NRG1: variants seen among roughly 807,000 people sequenced by gnomAD.
NRG1 encodes neuregulin 1.
NRG1 carries 18 observed loss-of-function variants against 63.8 expected under a neutral mutation model. The ratio of observed to expected loss-of-function variants is 0.28; its 90% CI spans 0.19 to 0.42. The LOEUF (loss-of-function observed/expected upper bound fraction) is 0.42, where lower values mean the gene tolerates loss of function less well. Among genes scored for constraint, NRG1 ranks in the 10% least tolerant of loss-of-function variants. NRG1 has a pLI of 1.00. For missense variants in NRG1, 762 were observed against 814.7 expected, an observed-to-expected ratio of 0.94 and a Z score of 0.79; for synonymous variants, 302 against 301.3, an observed-to-expected ratio of 1.00 and a Z score of -0.02.
At chr8:32,670,400 G>A (rs1805327796) in intron 5 of NRG1, among the ~76,000 whole-genome samples, 1 of 152,026 alleles carries the variant, frequency 6.6e-6, no homozygotes, top group Non-Finnish European at 1.5e-5. Context: ...CTTCTTCATT[G>A]AGTTTTCCAG....
chr8:32,290,747 C>T lies in NRG1; in HGVS notation c.38-305081C>T, dbSNP rs534115703. The stretch of plus-strand genomic sequence containing the variant: ...AATGGATTAGATTTTATTATATTTG[C>T]TGCAAACTCTTTTTATAATGTTCTT... On this transcript the variant is annotated intron_variant, in intron 1 of 10. Coordinates refer to the NRG1 transcript ENST00000519301. Among the ~76,000 whole-genome samples the T allele has an allele frequency of 3.6e-4, 55 of 152,178 alleles. 1 individual carries two copies. The highest frequency in any genetic ancestry group is 7.2e-4 in the Non-Finnish European group (49 of 68,028).
chr8:32,768,645 AC>A (rs1168761309), downstream of NRG1, among the ~76,000 whole-genome samples: 1 of 152,222 alleles, frequency 6.6e-6, no homozygotes, highest in Non-Finnish European at 1.5e-5. Flanking sequence ...TGAGGGTATT[AC>A]TTTTCTTACT....
intron 1 of NRG1, among the ~76,000 whole-genome samples, chr8:31,660,301 G>C (rs903688190): frequency 1.3e-5 from 2 of 152,076 alleles, no homozygotes; most frequent in African/African-American, 4.8e-5. Flanking sequence ...ACATATTGAT[G>C]CTTGACCAGG....
In NRG1 at chr8:32,519,837, C is replaced by G. The variant is rs139229025; in HGVS notation, c.38-75991C>G. 2.7e-4 allele frequency among the ~76,000 whole-genome samples: 41 copies of G among 152,148 alleles called. 1 individual carries two copies. In the East Asian group the frequency reaches 7.9e-3, roughly 29 times the overall value. ...AAAAGTAACTTTTTCAGAAGCTCCC[C>G]CAAATCTCTATACCCTTCTTTGTGC... On this transcript the variant is annotated intron_variant, in intron 1 of 10. Transcript: ENST00000519301.
At chr8:32,169,476 A>T (rs1462859432) in intron 1 of NRG1, among the ~76,000 whole-genome samples, 1 of 152,202 alleles carries the variant, frequency 6.6e-6, no homozygotes, top group Non-Finnish European at 1.5e-5. Flanking sequence ...TCATATTACT[A>T]ATAACTTTTA....
At chr8:32,602,613 A>G (rs569091789) in intron 2 of NRG1, among the ~76,000 whole-genome samples, 1 of 152,224 alleles carries the variant, frequency 6.6e-6, no homozygotes, top group South Asian at 2.1e-4. Flanking sequence ...GAAAAGCTAC[A>G]GTTTTCTTAC....
rs1479713570 is a variant in NRG1 at position 32,698,171 on chromosome 8, C to T, written c.503-29778C>T. Among the ~76,000 whole-genome samples, 7 of 151,740 alleles carry T rather than the reference C, an allele frequency of 4.6e-5. No individual in the cohort carries two copies. In the East Asian group the frequency reaches 1.2e-3, roughly 25 times the overall value. On this transcript the variant is annotated intron_variant, in intron 5 of 11. Transcript: ENST00000356819. ...CAGTGAGCCGAGATTGCACCAATGCCCTCCAGCCTGATGACAGCGAGACTC... is the reference window on the plus strand; with the variant it reads ...CAGTGAGCCGAGATTGCACCAATGCTCTCCAGCCTGATGACAGCGAGACTC...
chr8:31,813,650 C>G (rs1031945360), intron 1 of NRG1, among the ~76,000 whole-genome samples: 1 of 151,516 alleles, frequency 6.6e-6, no homozygotes, highest in Non-Finnish European at 1.5e-5. Flanking sequence ...ACCCCCTGAC[C>G]CTCACTATCT....
At chr8:32,178,043 C>T (rs921583551) in intron 1 of NRG1, among the ~76,000 whole-genome samples, 1 of 151,750 alleles carries the variant, frequency 6.6e-6, no homozygotes, top group Non-Finnish European at 1.5e-5. Flanking sequence ...GAAAAGAGGG[C>T]AAGGCAAGGG....
At chr8:32,530,991 G>A (rs1177730334) in intron 1 of NRG1, among the ~76,000 whole-genome samples, 1 of 152,106 alleles carries the variant, frequency 6.6e-6, no homozygotes, top group African/African-American at 2.4e-5. Flanking sequence ...CCAGCTACTT[G>A]GGAGGCTAAG....
intron 1 of NRG1, among the ~76,000 whole-genome samples, chr8:32,174,752 G>A (rs779565551): frequency 1.1e-4 from 17 of 152,200 alleles, no homozygotes; most frequent in Middle Eastern, 3.4e-3. Flanking sequence ...TACATTCCTC[G>A]ACACATACAC....
At chr8:31,787,566 A>C (rs1311524820) in intron 1 of NRG1, among the ~76,000 whole-genome samples, 1 of 152,226 alleles carries the variant, frequency 6.6e-6, no homozygotes, top group Non-Finnish European at 1.5e-5. Context: ...AAGTACACAA[A>C]GGATCATCCA....
At chr8:32,433,313 G>A (rs1319573282) in intron 1 of NRG1, among the ~76,000 whole-genome samples, 1 of 152,102 alleles carries the variant, frequency 6.6e-6, no homozygotes, top group Non-Finnish European at 1.5e-5. Context: ...TTAGCAAAGA[G>A]GTGACAGAAT....
intron 1 of NRG1, among the ~76,000 whole-genome samples, chr8:32,374,338 A>G (rs1344709780): frequency 6.6e-6 from 1 of 152,200 alleles, no homozygotes; most frequent in Non-Finnish European, 1.5e-5. Context: ...TGCGTTCCAC[A>G]ACACAATGTG....
intron 1 of NRG1, among the ~76,000 whole-genome samples, chr8:31,771,577 A>G (rs751717994): frequency 3.9e-4 from 60 of 152,312 alleles, no homozygotes; most frequent in Admixed American, 6.5e-4. Context: ...TTTTAGCTGA[A>G]TAAAATATGA....
At chr8:32,100,458 A>AT (rs1177909637) in intron 1 of NRG1, among the ~76,000 whole-genome samples, 2 of 152,152 alleles carry the variant, frequency 1.3e-5, no homozygotes, top group African/African-American at 4.8e-5. Flanking sequence ...GGGCTTAGTA[A>AT]TTGGCAGAGC....
chr8:31,651,860 A>C (rs938711446), intron 1 of NRG1, among the ~76,000 whole-genome samples: 5 of 152,076 alleles, frequency 3.3e-5, no homozygotes, highest in African/African-American at 1.2e-4. Context: ...TGCTGCTTAT[A>C]AATTATGTTT....
At chr8:32,633,852 G>A (rs1850787663) in intron 5 of NRG1, among the ~76,000 whole-genome samples, 1 of 152,028 alleles carries the variant, frequency 6.6e-6, no homozygotes, top group Non-Finnish European at 1.5e-5. Context: ...AAGGCCGGGA[G>A]CAGTAGTCTG....
intron 1 of NRG1, among the ~76,000 whole-genome samples, chr8:32,397,182 A>G (rs1011709979): frequency 3.3e-5 from 5 of 152,178 alleles, no homozygotes; most frequent in Non-Finnish European, 7.3e-5. Context: ...TAATGCCTGG[A>G]AAGCTAATTT....
Sources: allele counts gnomAD v4.1 joint callset (sites outside exome capture counted in the v4.1 genomes callset), GRCh38; gene constraint gnomAD v4.1.1; transcripts MANE v1.5; gene names NCBI Gene and HGNC (gene_info 2026-07-23, HGNC 2026-07-21).